The following SNX6 variants were observed in gnomAD, a reference collection of about 807,000 sequenced individuals.
The protein encoded by SNX6 is sorting nexin-6.
A neutral mutation model predicts 63.0 loss-of-function variants in SNX6; 34 were observed. That is an observed-to-expected ratio of 0.54 (90% CI 0.41 to 0.72). The LOEUF is 0.72. Ranked by LOEUF, SNX6 falls within the 30% of genes least tolerant of loss-of-function variation. SNX6 has a pLI of 0.00. For synonymous variants in SNX6, 170 were observed against 164.2 expected, an observed-to-expected ratio of 1.04 and a Z score of -0.27; for missense variants, 398 against 471.4, an observed-to-expected ratio of 0.84 and a Z score of 1.44.
intron 6 of SNX6, among the ~76,000 whole-genome samples, chr14:34,601,584 A>G (rs1442051165): frequency 6.6e-6 from 1 of 150,658 alleles, no homozygotes; most frequent in Non-Finnish European, 1.5e-5. Flanking sequence ...TTGTAGTAAC[A>G]TGATTTATTT....
At chr14:34,606,253 T>C (rs1392715918) in intron 4 of SNX6, among the ~76,000 whole-genome samples, 1 of 149,220 alleles carries the variant, frequency 6.7e-6, no homozygotes, top group African/African-American at 2.5e-5. Context: ...CTGGAGTAGC[T>C]GGGATTATAA....
intron 6 of SNX6, among the ~76,000 whole-genome samples, chr14:34,602,751 T>C (rs1284106249): frequency 5.3e-5 from 8 of 151,790 alleles, no homozygotes; most frequent in Non-Finnish European, 1.2e-4. Context: ...CTGAGGTGGG[T>C]GGATCACGAG....
chr14:34,606,195 TC>T (rs140474059), intron 4 of SNX6, among the ~76,000 whole-genome samples: 54,184 of 144,232 alleles, frequency 0.38, 10,111 homozygotes, highest in Non-Finnish European at 0.42. Flanking sequence ...AGTTATCTAA[TC>T]TTTTTTTTTT....
intron 6 of SNX6, among the ~76,000 whole-genome samples, chr14:34,600,487 A>G (rs1024416674): frequency 1.3e-5 from 2 of 150,968 alleles, no homozygotes; most frequent in South Asian, 4.2e-4. Context: ...TATGTTGCCC[A>G]GGCTGGTCTC....
chr14:34,563,187 AG>A lies in SNX6; in HGVS notation c.1168-13del, dbSNP rs1881007724. ...AACTGTAGATTACCCTAAAAAAGGA[AG>A]AAAAAATAAATTACAAATTTTATTT... On this transcript the variant is annotated splice_polypyrimidine_tract_variant and intron_variant, in intron 13 of 13. Transcript: ENST00000362031. 4.3e-6 allele frequency: 7 copies of A among 1,610,612 alleles called. No homozygotes were observed. The highest frequency in any genetic ancestry group is 4.2e-6 in the Non-Finnish European group (5 of 1,177,762).
At chr14:34,572,747 C>T (rs1429178504) in intron 11 of SNX6, among the ~76,000 whole-genome samples, 1 of 151,978 alleles carries the variant, frequency 6.6e-6, no homozygotes, top group Non-Finnish European at 1.5e-5. Context: ...GTGGCGCGAT[C>T]TCGGCTCACT....
At chr14:34,593,356 C>A (rs1882473641) in intron 7 of SNX6, among the ~76,000 whole-genome samples, 1 of 151,718 alleles carries the variant, frequency 6.6e-6, no homozygotes, top group Non-Finnish European at 1.5e-5. Flanking sequence ...GACTTTGCAA[C>A]TGAAGGCTTA....
At chr14:34,570,543 C>T (rs755714840) in intron 11 of SNX6, among the ~76,000 whole-genome samples, 2 of 151,140 alleles carry the variant, frequency 1.3e-5, no homozygotes, top group African/African-American at 2.4e-5. Context: ...ACCTCAGCCT[C>T]CCAAGTAGCT....
chr14:34,606,286 A>C (rs982898802), intron 4 of SNX6, among the ~76,000 whole-genome samples: 2 of 149,582 alleles, frequency 1.3e-5, no homozygotes, highest in African/African-American at 5.0e-5. Context: ...ACGCCCAACT[A>C]ATTTTTGTAT....
chr14:34,565,997 T>C (rs1881166411), intron 13 of SNX6, among the ~76,000 whole-genome samples: 1 of 151,806 alleles, frequency 6.6e-6, no homozygotes, highest in Non-Finnish European at 1.5e-5. Flanking sequence ...CTGATTTTTG[T>C]ATTTTTAGTA....
chr14:34,603,634 A>G (rs1257700935), intron 5 of SNX6, among the ~76,000 whole-genome samples, 163 bp from the exon 6 acceptor site: 1 of 152,206 alleles, frequency 6.6e-6, no homozygotes, highest in Admixed American at 6.6e-5. Flanking sequence ...TGTTAATGAA[A>G]TACATAAAAC....
intron 13 of SNX6, among the ~76,000 whole-genome samples, chr14:34,563,544 G>C (rs1310381363): frequency 1.1e-4 from 16 of 148,234 alleles, no homozygotes; most frequent in Non-Finnish European, 8.9e-5. Flanking sequence ...GGGCGAAAGA[G>C]TGAGACTGCG....
At chr14:34,604,475 A>G (rs1041011964) in intron 5 of SNX6, among the ~76,000 whole-genome samples, 3 of 152,168 alleles carry the variant, frequency 2.0e-5, no homozygotes, top group African/African-American at 7.2e-5. Flanking sequence ...GTATAGTAGC[A>G]GTGTGAATAT....
intron 2 of SNX6, among the ~76,000 whole-genome samples, chr14:34,611,112 C>A (rs1314195246): frequency 6.6e-6 from 1 of 152,164 alleles, no homozygotes; most frequent in East Asian, 1.9e-4. Flanking sequence ...CCCACCTCAG[C>A]CTCCTGAGTA....
At chr14:34,595,338 T>C (rs778190980) in intron 7 of SNX6, among the ~76,000 whole-genome samples, 11 of 152,068 alleles carry the variant, frequency 7.2e-5, no homozygotes, top group Non-Finnish European at 1.5e-4. Context: ...GGTTTCTCCA[T>C]GTTGGTCAGG....
chr14:34,593,122 C>T lies in SNX6; in HGVS notation c.641G>A (p.Arg214Gln), dbSNP rs766507379. The T allele has an allele frequency of 3.1e-6, 5 of 1,604,986 alleles. No homozygotes were observed. Among genetic ancestry groups the T allele is most frequent in the African/African-American group, 1.3e-5 (1 of 74,522 alleles). Reference sequence around the variant, plus strand: ...GTTATGATACTCCAAAAGAAATGTTCGTTCGTGCTCAAAGAAATCATCTAC... The same window carrying T: ...GTTATGATACTCCAAAAGAAATGTTTGTTCGTGCTCAAAGAAATCATCTAC... ...KDVDDFFEHE[R>Q]TFLLEYHNRV... The change falls in exon 8 of 14, where the codon CGA (arginine) becomes CAA (glutamine). Residue 214 changes from arginine to glutamine, a missense_variant. Arg to Gln is a conservative substitution (Grantham distance 43, BLOSUM62 1). Coordinates refer to ENST00000362031, the MANE Select transcript of SNX6 (RefSeq NM_152233.4).
At position 34,562,955 on chromosome 14, in the gene SNX6, C is replaced by G. The variant is rs1051816925; in HGVS notation, c.*167G>C. 18 of 653,544 alleles carry G rather than the reference C, an allele frequency of 2.8e-5. No homozygotes were observed. The highest frequency in any genetic ancestry group is 3.7e-5 in the African/African-American group (2 of 54,640). 40.5% of individuals were successfully genotyped at this position (653,544 alleles called of 1,614,324 possible). A position where few individuals can be genotyped will look rare whatever the true frequency, so the allele number is the denominator to read the frequency against. The stretch of plus-strand genomic sequence containing the variant: ...GGCATCACGGCACACAGACTGGCAT[C>G]GCCTGGGCGTGCGCTGCTCCATGTT... On this transcript the variant is annotated 3_prime_UTR_variant, in exon 14 of 14. Transcript: ENST00000362031.
intron 2 of SNX6, among the ~76,000 whole-genome samples, chr14:34,624,523 C>T (rs1024968027): frequency 6.6e-6 from 1 of 152,096 alleles, no homozygotes; most frequent in African/African-American, 2.4e-5. Flanking sequence ...TGTAGCTGGA[C>T]GCTGTGGCTC....
At chr14:34,568,858 C>A in intron 11 of SNX6, 1 of 1,090,322 alleles carries the variant, frequency 9.2e-7, no homozygotes, top group Admixed American at 1.7e-5. Flanking sequence ...GCTAAAGTGG[C>A]CAGGCATGCC....
Sources: allele counts gnomAD v4.1 joint callset (sites outside exome capture counted in the v4.1 genomes callset), GRCh38; gene constraint gnomAD v4.1.1; transcripts MANE v1.5; gene names NCBI Gene and HGNC (gene_info 2026-07-23, HGNC 2026-07-21).